FBN2: variants seen among roughly 807,000 people sequenced by gnomAD.
FBN2 encodes fibrillin 2.
FBN2 carries 105 observed loss-of-function variants against 355.6 expected under a neutral mutation model. That is an observed-to-expected ratio of 0.30 (90% CI 0.25 to 0.35). The LOEUF (loss-of-function observed/expected upper bound fraction) is 0.35, where lower values mean the gene tolerates loss of function less well. Among genes scored for constraint, FBN2 ranks in the 10% least tolerant of loss-of-function variants. FBN2 has a pLI of 1.00. For missense variants in FBN2, 3,280 were observed against 3,758.7 expected, an observed-to-expected ratio of 0.87 and a Z score of 3.33; for synonymous variants, 1,350 against 1,301.2, an observed-to-expected ratio of 1.04 and a Z score of -0.81.
intron 48 of FBN2, among the ~76,000 whole-genome samples, chr5:128,296,709 C>G (rs1460111822): frequency 1.3e-5 from 2 of 152,110 alleles, no homozygotes; most frequent in Admixed American, 1.3e-4. Flanking sequence ...TTTATTGCAT[C>G]TATTTGATTC....
intron 7 of FBN2, among the ~76,000 whole-genome samples, chr5:128,411,221 G>A (rs59338063): frequency 0.024 from 3,669 of 152,250 alleles, 157 homozygotes; most frequent in African/African-American, 0.084. Flanking sequence ...AGGTGTTGCC[G>A]GTGACCTGTG....
chr5:128,308,708 G>C (rs564909887), intron 41 of FBN2, among the ~76,000 whole-genome samples: 10 of 152,114 alleles, frequency 6.6e-5, no homozygotes, highest in Non-Finnish European at 1.2e-4. Context: ...GTGAAGACAA[G>C]CTCTATTTTT....
chr5:128,273,780 G>A, intron 61 of FBN2, 60 bp downstream of exon 61: 1 of 1,547,824 alleles, frequency 6.5e-7, no homozygotes, highest in Non-Finnish European at 8.9e-7. Flanking sequence ...TGTCTTGGAA[G>A]TTAAAAATAT....
chr5:128,286,991 T>C (rs1308357816), intron 54 of FBN2, 142 bp from the exon 55 acceptor site: 3 of 876,106 alleles, frequency 3.4e-6, no homozygotes, highest in African/African-American at 3.3e-5. Context: ...TTGTCAGCTG[T>C]TGGCTATATT....
chr5:128,528,098 G>A, intron 3 of FBN2, 131 bp from the exon 4 acceptor site: 1 of 689,462 alleles, frequency 1.5e-6, no homozygotes, highest in East Asian at 2.8e-5. Flanking sequence ...GAAATACTAT[G>A]ACCCAAACAT....
chr5:128,390,614 T>C (rs1048118831), intron 11 of FBN2, among the ~76,000 whole-genome samples: 3 of 152,250 alleles, frequency 2.0e-5, no homozygotes, highest in African/African-American at 7.2e-5. Context: ...ACATTACACA[T>C]TGTTGCTGAC....
chr5:128,309,127 T>C, intron 41 of FBN2, 120 bp downstream of exon 41: 1 of 1,019,216 alleles, frequency 9.8e-7, no homozygotes, highest in South Asian at 1.4e-5. Flanking sequence ...TATGATGCTC[T>C]TGGGAATTTT....
intron 63 of FBN2, 35 bp from the exon 64 acceptor site, chr5:128,261,942 T>A (rs750112141): frequency 8.2e-6 from 13 of 1,582,058 alleles, no homozygotes; most frequent in Non-Finnish European, 1.1e-5. Context: ...TTAGACTTTA[T>A]CACTGACTTG....
chr5:128,459,986 A>G (rs1754514153), intron 6 of FBN2, among the ~76,000 whole-genome samples: 4 of 152,220 alleles, frequency 2.6e-5, no homozygotes, highest in Admixed American at 2.6e-4. Flanking sequence ...AGAGAAAGAA[A>G]TAAAGGGTAT....
intron 25 of FBN2, among the ~76,000 whole-genome samples, chr5:128,340,217 T>A (rs1750973152): frequency 6.6e-6 from 1 of 152,206 alleles, no homozygotes; most frequent in South Asian, 2.1e-4. Flanking sequence ...AATGCCCCAC[T>A]ACGATCTCTT....
At chr5:128,284,560 G>C (rs1749084144) in intron 55 of FBN2, among the ~76,000 whole-genome samples, 1 of 152,162 alleles carries the variant, frequency 6.6e-6, no homozygotes, top group South Asian at 2.1e-4. Flanking sequence ...TAGTGTAGCT[G>C]GTCACGGGTC....
intron 11 of FBN2, among the ~76,000 whole-genome samples, chr5:128,390,264 C>T (rs751213739): frequency 8.5e-5 from 13 of 152,306 alleles, no homozygotes; most frequent in Middle Eastern, 3.4e-3. Context: ...AAGTTGGGGA[C>T]TCTTTATAGC....
chr5:128,412,279 A>C (rs1463497077), intron 7 of FBN2, among the ~76,000 whole-genome samples: 1 of 152,156 alleles, frequency 6.6e-6, no homozygotes. Flanking sequence ...CTGTATTTTG[A>C]CTTGAGCTGC....
At chr5:128,499,932 A>T (rs1241229696) in intron 5 of FBN2, among the ~76,000 whole-genome samples, 1 of 152,174 alleles carries the variant, frequency 6.6e-6, no homozygotes, top group African/African-American at 2.4e-5. Flanking sequence ...AAACCACGAC[A>T]TTAAGTATGG....
At chr5:128,537,290 CTG>C in intron 1 of FBN2, 58 bp downstream of exon 1, 1 of 1,599,820 alleles carries the variant, frequency 6.3e-7, no homozygotes, top group Non-Finnish European at 8.5e-7. Context: ...AGCCGCCAAA[CTG>C]AGGATTCCCC....
intron 7 of FBN2, among the ~76,000 whole-genome samples, chr5:128,419,043 C>A (rs1021772179): frequency 6.6e-5 from 10 of 152,134 alleles, no homozygotes; most frequent in African/African-American, 2.2e-4. Context: ...TTTCAGTGTA[C>A]AAATCTATCA....
At chr5:128,273,755 C>T (rs1765320008) in intron 61 of FBN2, 85 bp downstream of exon 61, 8 of 1,393,658 alleles carry the variant, frequency 5.7e-6, no homozygotes, top group Admixed American at 5.5e-5. Context: ...TTCTTTTTTT[C>T]AGATTATACC....
rs1057523248 is a variant in FBN2 at position 128,288,435 on chromosome 5, T to C, written c.6757+3A>G. The C allele has an allele frequency of 6.2e-7, 1 of 1,614,020 alleles. No homozygotes were observed. On this transcript the variant is annotated splice_donor_region_variant and intron_variant, in intron 53 of 64. Transcript: ENST00000262464. ...AATAATATTTAAGACAAAGATCACT[T>C]GCCTTCACAATTCATCATGGGCCCT...
intron 8 of FBN2, among the ~76,000 whole-genome samples, chr5:128,399,677 G>C (rs1436057625): frequency 6.6e-6 from 1 of 151,994 alleles, no homozygotes; most frequent in Non-Finnish European, 1.5e-5. Context: ...ATTTTAAAAA[G>C]TTGTGAGGGG....
Sources: allele counts gnomAD v4.1 joint callset (sites outside exome capture counted in the v4.1 genomes callset), GRCh38; gene constraint gnomAD v4.1.1; transcripts MANE v1.5; gene names NCBI Gene and HGNC (gene_info 2026-07-23, HGNC 2026-07-21).